DCDC2: variants seen among roughly 807,000 people sequenced by gnomAD.
DCDC2 encodes doublecortin domain containing 2, also known as doublecortin domain-containing protein 2.
A neutral mutation model predicts 50.2 loss-of-function variants in DCDC2; 40 were observed. The observed-to-expected ratio is 0.80, with a 90% CI of 0.62 to 1.04. DCDC2 has a LOEUF of 1.04. DCDC2 is among the 50% of genes least tolerant of loss of function. The probability of loss-of-function intolerance (pLI) is 0.00; values close to 1 mark genes in which losing one functional copy is unlikely to be tolerated. For missense variants in DCDC2, 570 were observed against 581.9 expected (o/e 0.98, Z 0.21); for synonymous variants, 234 against 210.6 (o/e 1.11, Z -0.96).
At position 24,358,005 on chromosome 6, in the gene DCDC2, G is replaced by A; in HGVS notation, c.-255C>T. ...TGCACAGCCAATCAGGACCCGCAGT[G>A]CGCGCACCACACCAGGTTCACCTGC... On this transcript the variant is annotated 5_prime_UTR_variant, in exon 1 of 10. Transcript: ENST00000378454. The A allele has an allele frequency of 5.2e-6, 7 of 1,340,174 alleles. No individual in the cohort carries two copies. Among genetic ancestry groups the A allele is most frequent in the East Asian group, 2.5e-5 (1 of 39,300 alleles). 83.0% of individuals were successfully genotyped at this position (1,340,174 alleles called of 1,614,324 possible). A position where few individuals can be genotyped will look rare whatever the true frequency, so the allele number is the denominator to read the frequency against.
At chr6:24,232,321 A>C (rs1330674935) in intron 7 of DCDC2, among the ~76,000 whole-genome samples, 1 of 152,246 alleles carries the variant, frequency 6.6e-6, no homozygotes. Context: ...AAGTTTATAC[A>C]TCCCCTACAA....
At chr6:24,222,788 G>A (rs996573995) in intron 7 of DCDC2, among the ~76,000 whole-genome samples, 18 of 152,174 alleles carry the variant, frequency 1.2e-4, no homozygotes, top group African/African-American at 3.6e-4. Context: ...AATAGAATAC[G>A]CTACAATACA....
chr6:24,351,842 A>G (rs554164019), intron 2 of DCDC2, among the ~76,000 whole-genome samples: 1 of 152,372 alleles, frequency 6.6e-6, no homozygotes, highest in African/African-American at 2.4e-5. Flanking sequence ...TTGGTGGCTC[A>G]TGCCAGTAAT....
At chr6:24,338,178 TGTAAA>T (rs1176389559) in intron 2 of DCDC2, among the ~76,000 whole-genome samples, 2 of 152,220 alleles carry the variant, frequency 1.3e-5, no homozygotes, top group African/African-American at 4.8e-5. Flanking sequence ...ATATCATCTT[TGTAAA>T]GTACTTAGAA....
chr6:24,374,129 T>A, the DCDC2 span, among the ~76,000 whole-genome samples: 17 of 130,094 alleles, frequency 1.3e-4, no homozygotes, highest in African/African-American at 5.1e-4. Flanking sequence ...GCTACTGAAC[T>A]CCAGCCTGGG....
chr6:24,358,835 A>ATATTTTATTTATT (rs377077797), upstream of DCDC2, among the ~76,000 whole-genome samples: 24,991 of 59,278 alleles, frequency 0.42, 6,546 homozygotes, highest in African/African-American at 0.67. Context: ...TTATATTTAT[A>ATATTTTATTTATT]TATATATTTA....
At chr6:24,216,371 G>A (rs1475702439) in intron 7 of DCDC2, among the ~76,000 whole-genome samples, 1 of 152,204 alleles carries the variant, frequency 6.6e-6, no homozygotes, top group African/African-American at 2.4e-5. Flanking sequence ...CGGGAAAGTG[G>A]AAGTCAACAC....
intron 7 of DCDC2, among the ~76,000 whole-genome samples, chr6:24,262,225 C>A (rs140350858): frequency 6.6e-5 from 10 of 151,128 alleles, no homozygotes; most frequent in African/African-American, 2.4e-4. Flanking sequence ...TAACTCACTG[C>A]TGCCTTGTCA....
At chr6:24,179,701 T>C (rs1353978233) in intron 8 of DCDC2, among the ~76,000 whole-genome samples, 1 of 145,960 alleles carries the variant, frequency 6.9e-6, no homozygotes, top group African/African-American at 2.6e-5. Flanking sequence ...ATGCCTGTAA[T>C]CCCAGCACTT....
chr6:24,257,424 G>T (rs1762916935), intron 7 of DCDC2, among the ~76,000 whole-genome samples: 1 of 152,008 alleles, frequency 6.6e-6, no homozygotes, highest in Admixed American at 6.5e-5. Context: ...GGAGAGAAAG[G>T]GCATGAAAAC....
At chr6:24,312,794 T>C (rs1409872566) in intron 2 of DCDC2, among the ~76,000 whole-genome samples, 1 of 152,154 alleles carries the variant, frequency 6.6e-6, no homozygotes, top group African/African-American at 2.4e-5. Context: ...AATACCTCCA[T>C]TCACTGAGAC....
chr6:24,361,465 G>A (rs1015742989), upstream of DCDC2, among the ~76,000 whole-genome samples: 41 of 151,940 alleles, frequency 2.7e-4, no homozygotes, highest in Admixed American at 2.4e-3. Context: ...TTCAAAAGAA[G>A]GCCAAAGAGA....
At chr6:24,253,264 A>C (rs951609848) in intron 7 of DCDC2, among the ~76,000 whole-genome samples, 13 of 152,112 alleles carry the variant, frequency 8.5e-5, no homozygotes, top group Admixed American at 3.3e-4. Context: ...ATAAAAAAAG[A>C]AAGCATAAAA....
chr6:24,178,747 G>T, intron 8 of DCDC2, 115 bp from the exon 9 acceptor site: 4 of 1,074,858 alleles, frequency 3.7e-6, no homozygotes, highest in Non-Finnish European at 5.3e-6. Context: ...TCTTACATTT[G>T]CATAGTACTT....
chr6:24,323,777 A>C (rs1487896142), intron 2 of DCDC2, among the ~76,000 whole-genome samples: 4 of 152,340 alleles, frequency 2.6e-5, no homozygotes, highest in East Asian at 1.9e-4. Context: ...ACATTTAAGC[A>C]CTTAAGCATA....
At chr6:24,277,041 T>C (rs1394143524) in intron 7 of DCDC2, among the ~76,000 whole-genome samples, 1 of 152,186 alleles carries the variant, frequency 6.6e-6, no homozygotes, top group African/African-American at 2.4e-5. Flanking sequence ...TCACGTGTCT[T>C]TGTTCTGACT....
chr6:24,245,152 C>A (rs545135031), intron 7 of DCDC2, among the ~76,000 whole-genome samples: 1 of 152,180 alleles, frequency 6.6e-6, no homozygotes, highest in Non-Finnish European at 1.5e-5. Flanking sequence ...TGAGATCATG[C>A]CACTGCACTC....
At chr6:24,211,728 T>C (rs887699810) in intron 7 of DCDC2, among the ~76,000 whole-genome samples, 1 of 152,100 alleles carries the variant, frequency 6.6e-6, no homozygotes, top group Admixed American at 6.6e-5. Context: ...ACCATGGACA[T>C]GAATCCTTGC....
chr6:24,209,180 A>G (rs2113765096), intron 7 of DCDC2, among the ~76,000 whole-genome samples: 1 of 152,348 alleles, frequency 6.6e-6, no homozygotes, highest in Admixed American at 6.5e-5. Flanking sequence ...TTGAAAATTT[A>G]AAACACCTGC....
Sources: allele counts gnomAD v4.1 joint callset (sites outside exome capture counted in the v4.1 genomes callset), GRCh38; gene constraint gnomAD v4.1.1; transcripts MANE v1.5; gene names NCBI Gene and HGNC (gene_info 2026-07-23, HGNC 2026-07-21).